MAPRE2: variants seen among roughly 807,000 people sequenced by gnomAD.
The protein encoded by MAPRE2 is microtubule associated protein RP/EB family member 2.
In MAPRE2, 13 loss-of-function variants were observed where a neutral mutation model predicts 43.2. That is an observed-to-expected ratio of 0.30 (90% CI 0.20 to 0.48). The LOEUF is 0.48. Ranked by LOEUF, MAPRE2 falls within the 20% of genes least tolerant of loss-of-function variation. MAPRE2 has a pLI of 0.99. For synonymous variants in MAPRE2, 135 were observed against 148.8 expected (o/e 0.91, Z 0.68); for missense variants, 161 against 400.2 (o/e 0.40, Z 5.10).
chr18:35,122,482 T>C lies in MAPRE2; in HGVS notation c.611-4466T>C, dbSNP rs115202110. ...TCCTCATGCATCATTTATTTTCCTG[T>C]TATCAGTTTTTCTCCGAACAATAGA... On this transcript the variant is annotated intron_variant, in intron 4 of 6. Transcript: ENST00000300249. 8.7e-3 allele frequency among the ~76,000 whole-genome samples: 1,329 copies of C among 152,354 alleles called. 18 individuals are homozygous for C. Among genetic ancestry groups the C allele is most frequent in the African/African-American group, 0.03 (1,267 of 41,574 alleles).
intron 2 of MAPRE2, among the ~76,000 whole-genome samples, chr18:35,073,886 T>C (rs1483569733): frequency 3.9e-5 from 6 of 152,234 alleles, no homozygotes; most frequent in Admixed American, 1.3e-4. Context: ...CTTGGAAATA[T>C]GTTTGTAGTA....
chr18:35,130,918 T>G (rs941327413), intron 5 of MAPRE2, among the ~76,000 whole-genome samples: 1 of 152,124 alleles, frequency 6.6e-6, no homozygotes, highest in Non-Finnish European at 1.5e-5. Flanking sequence ...CTCCCTTCAC[T>G]TGGACTGTTC....
intron 5 of MAPRE2, among the ~76,000 whole-genome samples, chr18:35,131,384 G>A (rs560534154): frequency 1.3e-5 from 2 of 152,272 alleles, no homozygotes; most frequent in South Asian, 4.1e-4. Flanking sequence ...TGTAGACAGG[G>A]TGACTTATAA....
chr18:35,109,067 G>T (rs188283296), intron 4 of MAPRE2, among the ~76,000 whole-genome samples: 2 of 152,232 alleles, frequency 1.3e-5, no homozygotes, highest in Admixed American at 6.5e-5. Context: ...GTCCTGAATG[G>T]TATTGCTTAG....
chr18:35,077,504 A>G (rs1907426655), intron 2 of MAPRE2, among the ~76,000 whole-genome samples: 1 of 152,232 alleles, frequency 6.6e-6, no homozygotes. Context: ...GTGAGCCTAG[A>G]GATGAAAACT....
chr18:35,055,816 G>A (rs1345741785), intron 1 of MAPRE2, among the ~76,000 whole-genome samples: 2 of 152,010 alleles, frequency 1.3e-5, no homozygotes, highest in African/African-American at 2.4e-5. Flanking sequence ...TTAGCCAGGT[G>A]TGGTGGTGCC....
At chr18:34,990,654 T>G (rs185967975) in intron 1 of MAPRE2, among the ~76,000 whole-genome samples, 1 of 152,294 alleles carries the variant, frequency 6.6e-6, no homozygotes, top group East Asian at 1.9e-4. Context: ...TAGGGAATTT[T>G]TTTAGATGTT....
At chr18:35,085,680 T>C (rs1256572107) in intron 2 of MAPRE2, among the ~76,000 whole-genome samples, 2 of 152,180 alleles carry the variant, frequency 1.3e-5, no homozygotes, top group Admixed American at 6.5e-5. Flanking sequence ...AGCATCATTG[T>C]CTCCTAATTA....
chr18:34,979,120 CG>C (rs2097014767), intron 1 of MAPRE2, among the ~76,000 whole-genome samples: 2 of 152,106 alleles, frequency 1.3e-5, no homozygotes, highest in South Asian at 4.2e-4. Context: ...CACCCTGGGG[CG>C]GGGAACTGTC....
In MAPRE2 at chr18:34,981,892, T is replaced by TA. The variant is rs1555909273; in HGVS notation, c.-70+4813_-70+4814insA. Among the ~76,000 whole-genome samples the TA allele has an allele frequency of 6.8e-4, 29 of 42,856 alleles. 1 individual carries two copies. The highest frequency in any genetic ancestry group is 1.7e-3 in the African/African-American group (28 of 16,196). 28.1% of individuals were successfully genotyped at this position (42,856 alleles called of 152,430 possible). A position where few individuals can be genotyped will look rare whatever the true frequency, so the allele number is the denominator to read the frequency against. ...TTTTTTTTTTATTTTTATTTATTTT[T>TA]TTTTTTTTTTGAGACGGAGTCTCAC... On this transcript the variant is annotated intron_variant, in intron 1 of 7. Coordinates refer to the MAPRE2 transcript ENST00000413393.
chr18:35,028,716 TA>T (rs2097046453), intron 2 of MAPRE2, among the ~76,000 whole-genome samples: 1 of 152,190 alleles, frequency 6.6e-6, no homozygotes, highest in Non-Finnish European at 1.5e-5. Flanking sequence ...GCAAACAAAA[TA>T]ATGTTCACTG....
chr18:34,985,424 A>AAACTATATTATATATTATATTTATAT (rs2097019821), intron 1 of MAPRE2, among the ~76,000 whole-genome samples: 1 of 50,834 alleles, frequency 2.0e-5, no homozygotes, highest in African/African-American at 8.3e-5. Flanking sequence ...TATAATATGT[A>AAACTATATTATATATTATATTTATAT]AACTATATTA....
chr18:35,089,246 A>G (rs1243365654), intron 2 of MAPRE2, among the ~76,000 whole-genome samples: 3 of 152,206 alleles, frequency 2.0e-5, no homozygotes, highest in Non-Finnish European at 4.4e-5. Context: ...ACCTTGGATT[A>G]TGCAGTGGTT....
chr18:34,987,601 TA>T (rs1354775652), intron 1 of MAPRE2, among the ~76,000 whole-genome samples: 3 of 152,194 alleles, frequency 2.0e-5, no homozygotes, highest in Non-Finnish European at 4.4e-5. Flanking sequence ...TTTATTCATA[TA>T]AAATTCCTAA....
chr18:35,050,552 T>C (rs866023830), intron 1 of MAPRE2, among the ~76,000 whole-genome samples: 1 of 152,228 alleles, frequency 6.6e-6, no homozygotes, highest in East Asian at 1.9e-4. Context: ...CTGTGAATCT[T>C]ACACTAACTG....
chr18:34,980,023 C>CTTTTTTTTTTTTT (rs1450524683), intron 1 of MAPRE2, among the ~76,000 whole-genome samples: 8 of 132,506 alleles, frequency 6.0e-5, no homozygotes, highest in African/African-American at 2.1e-4. Context: ...TTTTCTTTTT[C>CTTTTTTTTTTTTT]TTTTTTTCTT....
chr18:35,123,135 G>A (rs1216750018), intron 4 of MAPRE2, among the ~76,000 whole-genome samples: 3 of 152,156 alleles, frequency 2.0e-5, no homozygotes, highest in East Asian at 1.9e-4. Flanking sequence ...GCTCTTCCCC[G>A]ATAACGTGGC....
At chr18:35,003,220 A>G (rs2097030226) in intron 1 of MAPRE2, among the ~76,000 whole-genome samples, 1 of 152,192 alleles carries the variant, frequency 6.6e-6, no homozygotes, top group Admixed American at 6.5e-5. Context: ...TTGAGCACCT[A>G]CCACATGCTA....
At chr18:35,043,202 T>G (rs1484863187) in intron 1 of MAPRE2, among the ~76,000 whole-genome samples, 1 of 152,210 alleles carries the variant, frequency 6.6e-6, no homozygotes, top group Non-Finnish European at 1.5e-5. Flanking sequence ...TTTTCCTCTG[T>G]GACCATCCCA....
Sources: allele counts gnomAD v4.1 joint callset (sites outside exome capture counted in the v4.1 genomes callset), GRCh38; gene constraint gnomAD v4.1.1; transcripts MANE v1.5; gene names NCBI Gene and HGNC (gene_info 2026-07-23, HGNC 2026-07-21).